PTDSS1: variants seen among roughly 807,000 people sequenced by gnomAD.
The protein encoded by PTDSS1 is phosphatidylserine synthase 1.
A neutral mutation model predicts 70.5 loss-of-function variants in PTDSS1; 45 were observed. The ratio of observed to expected loss-of-function variants is 0.64; its 90% CI spans 0.50 to 0.82. The LOEUF is 0.82. Ranked by LOEUF, PTDSS1 falls within the 40% of genes least tolerant of loss-of-function variation. The probability of loss-of-function intolerance (pLI) is 0.00; values close to 1 mark genes in which losing one functional copy is unlikely to be tolerated. For missense variants in PTDSS1, 417 were observed against 586.1 expected (o/e 0.71, Z 2.98); for synonymous variants, 188 against 203.8 (o/e 0.92, Z 0.66).
intron 2 of PTDSS1, among the ~76,000 whole-genome samples, chr8:96,273,986 G>C (rs1429703910): frequency 3.9e-5 from 6 of 152,156 alleles, no homozygotes; most frequent in African/African-American, 7.2e-5. Flanking sequence ...AGTAAGTTTG[G>C]TGTTCTGCCA....
chr8:96,333,572 C>T lies in PTDSS1; in HGVS notation c.*6C>T, dbSNP rs1176938938. 8.8e-6 allele frequency: 14 copies of T among 1,594,950 alleles called. No homozygotes were observed. The highest frequency in any genetic ancestry group is 1.2e-5 in the Non-Finnish European group (14 of 1,162,732). ...ATGGCGTTGGAAAGAAATGAAAAAC[C>T]CTGGTTAATCAAAGATGTTCCAGAG... On this transcript the variant is annotated 3_prime_UTR_variant, in exon 13 of 13. Transcript: ENST00000517309.
At chr8:96,314,690 G>T (rs58027309) in intron 9 of PTDSS1, among the ~76,000 whole-genome samples, 30,382 of 152,128 alleles carry the variant, frequency 0.2, 3,411 homozygotes, top group Non-Finnish European at 0.25. Flanking sequence ...TCCGCCTCCC[G>T]GGTTCATGCC....
intron 9 of PTDSS1, among the ~76,000 whole-genome samples, chr8:96,312,351 G>A (rs994181833): frequency 6.6e-6 from 1 of 152,120 alleles, no homozygotes; most frequent in Non-Finnish European, 1.5e-5. Flanking sequence ...TGTGGAGGCT[G>A]AGGCAGGAGG....
intron 1 of PTDSS1, among the ~76,000 whole-genome samples, chr8:96,272,918 A>G (rs1810586823): frequency 6.6e-6 from 1 of 152,198 alleles, no homozygotes; most frequent in South Asian, 2.1e-4. Flanking sequence ...TACCTAAGCC[A>G]GAAGGCATCA....
At chr8:96,316,688 T>A (rs776530708) in intron 9 of PTDSS1, among the ~76,000 whole-genome samples, 64 of 151,920 alleles carry the variant, frequency 4.2e-4, no homozygotes, top group Middle Eastern at 3.4e-3. Flanking sequence ...CTGAAAAAAA[T>A]TTTAAAAAAA....
intron 7 of PTDSS1, among the ~76,000 whole-genome samples, chr8:96,306,184 T>G (rs145790714): frequency 4.5e-4 from 69 of 152,294 alleles, no homozygotes; most frequent in Non-Finnish European, 9.0e-4. Context: ...CCAGGAAACA[T>G]GACAAATAGC....
chr8:96,298,318 T>C lies in PTDSS1; in HGVS notation c.601-1376T>C, dbSNP rs74520440. Among the ~76,000 whole-genome samples the C allele has an allele frequency of 9.6e-4, 147 of 152,338 alleles. 1 individual carries two copies. The East Asian group carries it at 0.021, about 22-fold the overall frequency. On this transcript the variant is annotated intron_variant, in intron 5 of 12. Coordinates refer to ENST00000517309, the MANE Select transcript of PTDSS1 (RefSeq NM_014754.3). ...TTACAAAATGCTTTCATGAATACTG[T>C]TTTATCTTTGCAGTATTTATTATAT...
Position 96,333,912 on chromosome 8 carries a change from C to T in PTDSS1, c.*346C>T. On this transcript the variant is annotated 3_prime_UTR_variant, in exon 13 of 13. Transcript: ENST00000517309. ...TGCTGGATCGTGGATGCAGCGTAAA[C>T]ATCTTCCTTCAGACGAGGCATTAAC... The T allele has an allele frequency of 1.0e-5, 6 of 591,558 alleles. No homozygotes were observed. The South Asian group carries it at 1.2e-4, about 12-fold the overall frequency. The allele number at this position is 591,558 out of a possible 1,614,324, so 36.6% of individuals were successfully genotyped here.
intron 5 of PTDSS1, among the ~76,000 whole-genome samples, chr8:96,296,750 C>T (rs1229905447): frequency 1.3e-5 from 2 of 152,192 alleles, no homozygotes; most frequent in Middle Eastern, 3.2e-3. Context: ...CTGGAGTGCA[C>T]AGCCTTGCTT....
intron 1 of PTDSS1, among the ~76,000 whole-genome samples, chr8:96,272,615 C>T (rs1810582536): frequency 6.6e-6 from 1 of 152,198 alleles, no homozygotes; most frequent in African/African-American, 2.4e-5. Context: ...CTTACCTACA[C>T]AACCTCAGAC....
chr8:96,272,993 T>C (rs1311814333), intron 1 of PTDSS1, among the ~76,000 whole-genome samples: 1 of 152,168 alleles, frequency 6.6e-6, no homozygotes, highest in Non-Finnish European at 1.5e-5. Context: ...TGGGCAGATA[T>C]TCAGTTGTTA....
At chr8:96,305,298 A>G (rs565125003) in intron 7 of PTDSS1, among the ~76,000 whole-genome samples, 33 of 152,282 alleles carry the variant, frequency 2.2e-4, no homozygotes, top group Non-Finnish European at 4.0e-4. Context: ...TATTAATTAG[A>G]CTATTTTTTA....
Position 96,262,051 on chromosome 8 carries a change from G to A in PTDSS1, c.11G>A (p.Cys4Tyr). The change falls in exon 1 of 13, where the codon TGC (cysteine) becomes TAC (tyrosine). Residue 4 changes from cysteine (C) to tyrosine (Y), a missense_variant. Cys to Tyr is a radical substitution (Grantham distance 194). Around this residue, in one of 3 missense-constraint regions of PTDSS1, gnomAD observed 38 missense variants for 34.3 expected, o/e 1.11. Transcript: ENST00000517309. This position sits in a 1 kb window ranked among gnomAD's most constrained non-coding sequence, Gnocchi z 4.4. The part of the protein sequence containing the change: MAS[C>Y]VGSRTLSKDD... Reference sequence around the variant, plus strand: ...ACGGGGAGGCGGGCCATGGCGTCCTGCGTGGGGAGCCGGACCCTAAGCAAG... The same window carrying A: ...ACGGGGAGGCGGGCCATGGCGTCCTACGTGGGGAGCCGGACCCTAAGCAAG... 6.2e-7 allele frequency: 1 copy of A among 1,612,746 alleles called. No homozygotes were observed. Among genetic ancestry groups the A allele is most frequent in the Non-Finnish European group, 8.5e-7 (1 of 1,179,330 alleles).
At chr8:96,310,045 C>T (rs1404136511) in intron 9 of PTDSS1, among the ~76,000 whole-genome samples, 11 of 151,772 alleles carry the variant, frequency 7.2e-5, no homozygotes, top group Non-Finnish European at 1.3e-4. Context: ...AGGAGAATCG[C>T]TTGAACCCGG....
At chr8:96,331,783 G>T (rs982154219) in intron 12 of PTDSS1, among the ~76,000 whole-genome samples, 1 of 151,966 alleles carries the variant, frequency 6.6e-6, no homozygotes, top group African/African-American at 2.4e-5. Context: ...CAGGCACAGT[G>T]GCTCACGCCT....
rs1429697682 is a variant in PTDSS1, at chr8:96,269,670, T to G, written c.180-3629T>G. ...AATTACAATCCCACCAAGGGGCCAATCACAGGTGAATACCCAGGCTTTTTT... is the reference window on the plus strand; with the variant it reads ...AATTACAATCCCACCAAGGGGCCAAGCACAGGTGAATACCCAGGCTTTTTT... On this transcript the variant is annotated intron_variant, in intron 1 of 12. Coordinates refer to ENST00000517309, the MANE Select transcript of PTDSS1 (RefSeq NM_014754.3). Among the ~76,000 whole-genome samples the G allele has an allele frequency of 2.0e-5, 3 of 152,122 alleles. No homozygotes were observed. The East Asian group carries it at 5.8e-4, about 29-fold the overall frequency.
chr8:96,265,006 C>T (rs1029196122), intron 1 of PTDSS1, among the ~76,000 whole-genome samples: 1 of 152,178 alleles, frequency 6.6e-6, no homozygotes, highest in South Asian at 2.1e-4. Flanking sequence ...AAATCTTACT[C>T]ATTTTTTGTA....
intron 10 of PTDSS1, among the ~76,000 whole-genome samples, chr8:96,328,309 C>T (rs894169203): frequency 1.3e-5 from 2 of 152,144 alleles, no homozygotes; most frequent in Non-Finnish European, 2.9e-5. Flanking sequence ...TTGTAAGGGG[C>T]CTAACGCATA....
intron 12 of PTDSS1, among the ~76,000 whole-genome samples, chr8:96,333,044 A>T (rs1811539828): frequency 6.6e-6 from 1 of 152,172 alleles, no homozygotes; most frequent in South Asian, 2.1e-4. Context: ...TCGGGTTTAG[A>T]AGGTGGTGTG....
Sources: allele counts gnomAD v4.1 joint callset (sites outside exome capture counted in the v4.1 genomes callset), GRCh38; gene constraint gnomAD v4.1.1; regional missense constraint gnomAD v4.1.1; non-coding constraint Gnocchi (gnomAD v3.1); transcripts MANE v1.5; gene names NCBI Gene and HGNC (gene_info 2026-07-23, HGNC 2026-07-21).